GAB2: variants seen among roughly 807,000 people sequenced by gnomAD.
GAB2 encodes GRB2 associated binding protein 2.
Under a neutral mutation model 65.5 loss-of-function variants are expected in GAB2, and 26 were observed. The observed-to-expected ratio is 0.40, with a 90% CI of 0.29 to 0.55. The LOEUF is 0.55. Among genes scored for constraint, GAB2 ranks in the 20% least tolerant of loss-of-function variants. GAB2 has a pLI of 0.53. For synonymous variants in GAB2, 321 were observed against 329.6 expected (o/e 0.97, Z 0.28); for missense variants, 884 against 875.8 (o/e 1.01, Z -0.12).
chr11:78,309,439 C>A (rs1256063368), intron 1 of GAB2, among the ~76,000 whole-genome samples: 3 of 149,442 alleles, frequency 2.0e-5, no homozygotes, highest in Non-Finnish European at 4.4e-5. Flanking sequence ...AGAATAAAAT[C>A]TTGTGGTTAA....
At chr11:78,220,495 C>G in intron 8 of GAB2, 51 bp from the exon 9 acceptor site, 1 of 1,509,424 alleles carries the variant, frequency 6.6e-7, no homozygotes, top group Non-Finnish European at 8.9e-7. Flanking sequence ...CAGACTAACC[C>G]ACCACCCAGA....
chr11:78,365,567 G>C (rs957708394), intron 1 of GAB2, among the ~76,000 whole-genome samples: 9 of 152,280 alleles, frequency 5.9e-5, no homozygotes, highest in African/African-American at 2.2e-4. Context: ...AGAAAAGGGA[G>C]GGGTATTCCT....
chr11:78,412,629 G>A (rs1478026224), intron 1 of GAB2, among the ~76,000 whole-genome samples: 1 of 152,168 alleles, frequency 6.6e-6, no homozygotes, highest in Non-Finnish European at 1.5e-5. Flanking sequence ...AATTTTGCAA[G>A]ATGTTACCAT....
At chr11:78,378,259 C>A (rs1038200274) in intron 1 of GAB2, among the ~76,000 whole-genome samples, 2 of 152,166 alleles carry the variant, frequency 1.3e-5, no homozygotes, top group Non-Finnish European at 2.9e-5. Flanking sequence ...AAAAAGAAAG[C>A]CAAACACAGA....
intron 1 of GAB2, among the ~76,000 whole-genome samples, chr11:78,415,834 G>A (rs981970292): frequency 6.6e-6 from 1 of 152,106 alleles, no homozygotes; most frequent in Non-Finnish European, 1.5e-5. Context: ...TTCAAGGAGC[G>A]ATAAGTCAAA....
chr11:78,336,631 A>C (rs1403035558), intron 1 of GAB2, among the ~76,000 whole-genome samples: 2 of 152,122 alleles, frequency 1.3e-5, no homozygotes, highest in Non-Finnish European at 2.9e-5. Flanking sequence ...GTTTTATAAA[A>C]TAGATAATAG....
chr11:78,237,371 A>G (rs937610929), intron 3 of GAB2, among the ~76,000 whole-genome samples: 3 of 152,262 alleles, frequency 2.0e-5, no homozygotes, highest in African/African-American at 7.2e-5. Flanking sequence ...GAACAAACTA[A>G]TGACACATGG....
chr11:78,417,673 C>T lies in GAB2; in HGVS notation c.48G>A (p.Ser16=). 7.2e-7 allele frequency: 1 copy of T among 1,392,216 alleles called. No homozygotes were observed. Among genetic ancestry groups the T allele is most frequent in the South Asian group, 1.3e-5 (1 of 77,174 alleles). 86.2% of individuals were successfully genotyped at this position (1,392,216 alleles called of 1,614,324 possible). ...AGCGCCTCAACTTCTTCTCGGGAGG[C>T]GATTTCCTCAGCCAGCCGGTGCACA... ...DVVCTGWLRK[S]PPEKKLRRYA... The change falls in exon 1 of 10, where the codon TCG becomes TCA. Residue 16 remains serine, a synonymous_variant. Coordinates refer to ENST00000361507, the MANE Select transcript of GAB2 (RefSeq NM_080491.3).
At chr11:78,378,780 T>C (rs1390051220) in intron 1 of GAB2, among the ~76,000 whole-genome samples, 1 of 152,230 alleles carries the variant, frequency 6.6e-6, no homozygotes, top group Non-Finnish European at 1.5e-5. Flanking sequence ...CACGAGCCAC[T>C]GTGCCCCATA....
At chr11:78,390,521 G>T (rs1434633242) in intron 1 of GAB2, among the ~76,000 whole-genome samples, 1 of 152,144 alleles carries the variant, frequency 6.6e-6, no homozygotes, top group African/African-American at 2.4e-5. Context: ...CCAGGGAGGC[G>T]GAGGTTGCAG....
intron 2 of GAB2, among the ~76,000 whole-genome samples, chr11:78,264,358 T>G (rs1311209756): frequency 6.6e-6 from 1 of 151,906 alleles, no homozygotes; most frequent in Non-Finnish European, 1.5e-5. Context: ...CCTAAGTATT[T>G]TATTTTTTGA....
intron 2 of GAB2, among the ~76,000 whole-genome samples, chr11:78,272,750 T>C (rs1266237344): frequency 1.3e-5 from 2 of 152,136 alleles, no homozygotes; most frequent in Non-Finnish European, 2.9e-5. Flanking sequence ...ATGGGGAAAA[T>C]GTCTCCAGGC....
At chr11:78,331,619 T>C (rs1488574755) in intron 1 of GAB2, among the ~76,000 whole-genome samples, 2 of 152,176 alleles carry the variant, frequency 1.3e-5, no homozygotes, top group Non-Finnish European at 2.9e-5. Flanking sequence ...TTTAAACACA[T>C]TGTGCAAACA....
chr11:78,219,567 C>T (rs994385647), intron 9 of GAB2, 152 bp from the exon 10 acceptor site: 1 of 695,110 alleles, frequency 1.4e-6, no homozygotes, highest in African/African-American at 1.8e-5. Context: ...CCTGGCTTCT[C>T]TTTCTGAATG....
chr11:78,400,020 G>T (rs945047210), intron 1 of GAB2, among the ~76,000 whole-genome samples: 2 of 152,166 alleles, frequency 1.3e-5, no homozygotes, highest in African/African-American at 4.8e-5. Flanking sequence ...ATCTGTGAGG[G>T]AAAGACTCAC....
intron 1 of GAB2, among the ~76,000 whole-genome samples, chr11:78,281,538 G>A (rs375312145): frequency 2.0e-5 from 3 of 152,192 alleles, no homozygotes; most frequent in Non-Finnish European, 4.4e-5. Flanking sequence ...GAGCCACCAT[G>A]CCCAGACGAC....
chr11:78,338,719 A>AC (rs1856043689), intron 1 of GAB2, among the ~76,000 whole-genome samples: 1 of 152,224 alleles, frequency 6.6e-6, no homozygotes, highest in South Asian at 2.1e-4. Context: ...AATGACCAGT[A>AC]CTGTGGTTGT....
intron 1 of GAB2, among the ~76,000 whole-genome samples, chr11:78,323,790 CTTTT>C (rs749282969): frequency 0.037 from 2,860 of 77,110 alleles, 62 homozygotes; most frequent in African/African-American, 0.14. Context: ...CTGAATCTTT[CTTTT>C]TTTTTTTTTT....
At chr11:78,338,420 G>C (rs909900633) in intron 1 of GAB2, among the ~76,000 whole-genome samples, 1 of 152,182 alleles carries the variant, frequency 6.6e-6, no homozygotes, top group Non-Finnish European at 1.5e-5. Context: ...TGGGAAGACA[G>C]AAGAAGCATG....
Sources: gnomAD v4.1 joint callset for allele counts (sites outside exome capture counted in the v4.1 genomes callset) on GRCh38, gnomAD v4.1.1 for gene constraint, MANE v1.5 for transcripts, NCBI Gene and HGNC (gene_info 2026-07-23, HGNC 2026-07-21) for gene names.